The following ARHGAP10 variants were observed in gnomAD, a reference collection of about 807,000 sequenced individuals.
ARHGAP10 encodes the protein rho GTPase-activating protein 10.
A neutral mutation model predicts 108.6 loss-of-function variants in ARHGAP10; 87 were observed. The ratio of observed to expected loss-of-function variants is 0.80; its 90% CI spans 0.67 to 0.96. The LOEUF (loss-of-function observed/expected upper bound fraction) is 0.96. Ranked by LOEUF, ARHGAP10 falls within the 40% of genes least tolerant of loss-of-function variation. ARHGAP10 has a pLI of 0.00. For synonymous variants in ARHGAP10, 347 were observed against 341.1 expected (o/e 1.02, Z -0.19); for missense variants, 939 against 954.5 (o/e 0.98, Z 0.21).
chr4:147,922,195 G>A (rs561330104), intron 13 of ARHGAP10, among the ~76,000 whole-genome samples: 8 of 152,134 alleles, frequency 5.3e-5, no homozygotes, highest in Admixed American at 3.3e-4. Context: ...TTTGGGACCC[G>A]AGGGCCATCA....
At chr4:147,852,143 C>T (rs2126824793) in intron 4 of ARHGAP10, among the ~76,000 whole-genome samples, 1 of 152,286 alleles carries the variant, frequency 6.6e-6, no homozygotes, top group Non-Finnish European at 1.5e-5. Flanking sequence ...ATCACCTTGC[C>T]AAACAGGAGT....
chr4:148,012,922 T>G (rs995123545), intron 18 of ARHGAP10, among the ~76,000 whole-genome samples: 1 of 142,880 alleles, frequency 7.0e-6, no homozygotes, highest in African/African-American at 2.9e-5. Context: ...GGTATCTGTC[T>G]GGTTTTTTTT....
At chr4:147,831,135 T>C (rs1185072644) in intron 3 of ARHGAP10, among the ~76,000 whole-genome samples, 1 of 152,234 alleles carries the variant, frequency 6.6e-6, no homozygotes, top group Non-Finnish European at 1.5e-5. Flanking sequence ...TCAGAGCTAC[T>C]GGCTTAGGGT....
At chr4:147,978,360 G>A (rs528625425) in intron 18 of ARHGAP10, among the ~76,000 whole-genome samples, 2 of 151,920 alleles carry the variant, frequency 1.3e-5, no homozygotes, top group Non-Finnish European at 2.9e-5. Flanking sequence ...TTAAATAATC[G>A]CCATTCTGAC....
Position 148,072,211 on chromosome 4 carries a change from CAGT to C in ARHGAP10, c.*131_*133del. ...CCACACTTGGGAGTTACCATCATCA[CAGT>C]CAGCCCTGGGGGTGGGGGGTGGTGG... On this transcript the variant is annotated 3_prime_UTR_variant, in exon 23 of 23. Coordinates refer to ENST00000336498, the MANE Select transcript of ARHGAP10 (RefSeq NM_024605.4). 1.5e-6 allele frequency: 1 copy of C among 652,144 alleles called. No individual in the cohort carries two copies. The highest frequency in any genetic ancestry group is 3.3e-5 in the East Asian group (1 of 30,310). 40.4% of individuals were successfully genotyped at this position (652,144 alleles called of 1,614,324 possible).
intron 1 of ARHGAP10, among the ~76,000 whole-genome samples, chr4:147,770,305 A>G (rs1420393501): frequency 6.6e-6 from 1 of 152,194 alleles, no homozygotes; most frequent in South Asian, 2.1e-4. Flanking sequence ...TGGGAGGATC[A>G]TTGGAGGTCA....
At chr4:147,949,469 A>G (rs2126975746) in intron 15 of ARHGAP10, among the ~76,000 whole-genome samples, 1 of 152,264 alleles carries the variant, frequency 6.6e-6, no homozygotes, top group Non-Finnish European at 1.5e-5. Context: ...ATGTTTGGAG[A>G]CATTACTGAT....
At chr4:147,844,379 A>T (rs1166805906) in intron 3 of ARHGAP10, among the ~76,000 whole-genome samples, 1 of 152,184 alleles carries the variant, frequency 6.6e-6, no homozygotes, top group Non-Finnish European at 1.5e-5. Flanking sequence ...GTACAATTAA[A>T]TTATTTTGAG....
rs376658046 is a variant in ARHGAP10 at position 147,919,613 on chromosome 4, C to G, written c.1228+6474C>G. On this transcript the variant is annotated intron_variant, in intron 13 of 22. Transcript: ENST00000336498. ...GTGGAGATGCAGTCCCTCTCTGTTG[C>G]CCAGACTAGAGTGCAGTGGCATGAT... Among the ~76,000 whole-genome samples the G allele has an allele frequency of 3.9e-5, 6 of 152,066 alleles. No individual in the cohort carries two copies. The East Asian group carries it at 9.6e-4, about 24-fold the overall frequency.
intron 19 of ARHGAP10, among the ~76,000 whole-genome samples, chr4:148,034,062 T>C (rs189854249): frequency 6.6e-6 from 1 of 152,276 alleles, no homozygotes; most frequent in East Asian, 1.9e-4. Context: ...CCTCACAAAT[T>C]TGGACAATAA....
At chr4:148,043,291 C>T (rs559953563) in intron 19 of ARHGAP10, among the ~76,000 whole-genome samples, 54 of 151,960 alleles carry the variant, frequency 3.6e-4, no homozygotes, top group African/African-American at 1.3e-3. Flanking sequence ...TTCATAAATC[C>T]TTTGGTACCA....
At chr4:147,851,213 C>A (rs1344913498) in intron 4 of ARHGAP10, among the ~76,000 whole-genome samples, 1 of 151,980 alleles carries the variant, frequency 6.6e-6, no homozygotes, top group Non-Finnish European at 1.5e-5. Context: ...AGCTCATTAC[C>A]AGACCTCTAC....
intron 13 of ARHGAP10, among the ~76,000 whole-genome samples, chr4:147,921,484 C>A (rs6857490): frequency 0.93 from 142,088 of 152,234 alleles, 66,324 homozygotes; most frequent in South Asian, 0.96. Context: ...AGAAGATGCC[C>A]CAGGGGCTTT....
chr4:148,017,852 A>G (rs1741409832), intron 18 of ARHGAP10, among the ~76,000 whole-genome samples: 2 of 152,106 alleles, frequency 1.3e-5, no homozygotes, highest in African/African-American at 4.8e-5. Flanking sequence ...TTGGCAAAGT[A>G]TTTCTGGCAG....
intron 10 of ARHGAP10, among the ~76,000 whole-genome samples, chr4:147,902,871 A>G (rs961375755): frequency 1.6e-5 from 2 of 124,070 alleles, no homozygotes; most frequent in Non-Finnish European, 3.2e-5. Context: ...GGAAGCCAGT[A>G]TGTCTTACAT....
intron 19 of ARHGAP10, among the ~76,000 whole-genome samples, chr4:148,032,337 C>T (rs1011876827): frequency 3.9e-5 from 3 of 77,764 alleles, no homozygotes; most frequent in African/African-American, 1.4e-4. Context: ...TCCCCCCCCC[C>T]CCCCCCCCCA....
intron 13 of ARHGAP10, among the ~76,000 whole-genome samples, chr4:147,936,067 A>G (rs1041221109): frequency 1.3e-5 from 2 of 152,154 alleles, no homozygotes; most frequent in Admixed American, 1.3e-4. Context: ...AATGCAGAGT[A>G]TGATTTGCTC....
chr4:147,805,991 T>C lies in ARHGAP10; in HGVS notation c.155-16736T>C, dbSNP rs533695384. On this transcript the variant is annotated intron_variant, in intron 1 of 22. Transcript: ENST00000336498. Reference sequence around the variant, plus strand: ...AAAAAGAAGCCCATGTTTGTACTTATACAATATTTTCCACCCAATGAGCCC... The same window carrying C: ...AAAAAGAAGCCCATGTTTGTACTTACACAATATTTTCCACCCAATGAGCCC... Among the ~76,000 whole-genome samples the C allele has an allele frequency of 1.1e-4, 17 of 152,326 alleles. No individual in the cohort carries two copies. In the South Asian group the frequency reaches 1.7e-3, roughly 15 times the overall value.
chr4:147,814,267 T>C (rs1465409033), intron 1 of ARHGAP10, among the ~76,000 whole-genome samples: 1 of 152,112 alleles, frequency 6.6e-6, no homozygotes, highest in South Asian at 2.1e-4. Context: ...AAAGAGGATG[T>C]TTTAGCCCTT....
Sources: allele counts gnomAD v4.1 joint callset (sites outside exome capture counted in the v4.1 genomes callset), GRCh38; gene constraint gnomAD v4.1.1; transcripts MANE v1.5; gene names NCBI Gene and HGNC (gene_info 2026-07-23, HGNC 2026-07-21).